The following SLC4A7 variants were observed in gnomAD, a reference collection of about 807,000 sequenced individuals.
The protein encoded by SLC4A7 is sodium bicarbonate cotransporter 3.
In SLC4A7, 51 loss-of-function variants were observed where a neutral mutation model predicts 137.6. The ratio of observed to expected loss-of-function variants is 0.37; its 90% CI spans 0.30 to 0.47. The LOEUF (loss-of-function observed/expected upper bound fraction) is 0.47. Among genes scored for constraint, SLC4A7 ranks in the 20% least tolerant of loss-of-function variants. SLC4A7 has a pLI of 1.00. For missense variants in SLC4A7, 1,247 were observed against 1,525.4 expected, an observed-to-expected ratio of 0.82 and a Z score of 3.04; for synonymous variants, 542 against 518.6, an observed-to-expected ratio of 1.05 and a Z score of -0.61.
intron 20 of SLC4A7, among the ~76,000 whole-genome samples, chr3:27,392,882 T>C (rs1447594804): frequency 2.0e-5 from 3 of 152,042 alleles, no homozygotes; most frequent in Admixed American, 6.5e-5. Flanking sequence ...GAAAAGCTCA[T>C]GAAAATTAAA....
intron 1 of SLC4A7, among the ~76,000 whole-genome samples, chr3:27,461,728 G>A (rs538859931): frequency 2.6e-5 from 4 of 152,000 alleles, no homozygotes; most frequent in African/African-American, 9.6e-5. Flanking sequence ...GGGAGGCCGA[G>A]GCGGGCAGAT....
chr3:27,479,371 A>T (rs2059614204), intron 1 of SLC4A7, among the ~76,000 whole-genome samples: 1 of 151,650 alleles, frequency 6.6e-6, no homozygotes, highest in African/African-American at 2.4e-5. Flanking sequence ...CCATGATGGT[A>T]CCACTGCACT....
At position 27,448,798 on chromosome 3, in the gene SLC4A7, C is replaced by T; in HGVS notation, c.143-1G>A. 1 of 1,576,578 alleles carries T rather than the reference C, an allele frequency of 6.3e-7. No individual in the cohort carries two copies. Among genetic ancestry groups the T allele is most frequent in the Non-Finnish European group, 8.6e-7 (1 of 1,162,764 alleles). ...ACACCAATATATACAGCTCTATGAC[C>T]TATTAAAAGGTTCAGAAACATATTA... On this transcript the variant is annotated splice_acceptor_variant, in intron 2 of 25. Transcript: ENST00000454389. LOFTEE classifies it high-confidence loss of function.
In SLC4A7 at chr3:27,467,571, G is replaced by A. The variant is rs2059061886; in HGVS notation, c.61-15073C>T. Among the ~76,000 whole-genome samples, 8 of 152,292 alleles carry A rather than the reference G, an allele frequency of 5.3e-5. No homozygotes were observed. The South Asian group carries it at 1.7e-3, about 32-fold the overall frequency. ...AAGCAAGTAGCCAAGAAAAGAGGAA[G>A]AAGAAATCCCGTAAAACAAATGGAA... On this transcript the variant is annotated intron_variant, in intron 1 of 25. Coordinates refer to ENST00000454389, the MANE Select transcript of SLC4A7 (RefSeq NM_001321103.2).
intron 1 of SLC4A7, among the ~76,000 whole-genome samples, chr3:27,478,211 A>AG (rs2059547064): frequency 6.6e-6 from 1 of 152,068 alleles, no homozygotes; most frequent in African/African-American, 2.4e-5. Flanking sequence ...GGAAAAAAAA[A>AG]AAGGTCATTT....
intron 4 of SLC4A7, 81 bp from the exon 5 acceptor site, chr3:27,436,629 T>C: frequency 3.3e-6 from 3 of 900,258 alleles, no homozygotes; most frequent in Non-Finnish European, 4.7e-6. Context: ...GAAACATTTG[T>C]TCTTTAAAGA....
At chr3:27,456,270 A>C (rs548007386) in intron 1 of SLC4A7, among the ~76,000 whole-genome samples, 2 of 152,342 alleles carry the variant, frequency 1.3e-5, no homozygotes, top group South Asian at 2.1e-4. Flanking sequence ...GCTATAGCCT[A>C]AAGTAATGCC....
chr3:27,465,670 C>A (rs775702928), intron 1 of SLC4A7, among the ~76,000 whole-genome samples: 1 of 151,904 alleles, frequency 6.6e-6, no homozygotes, highest in African/African-American at 2.4e-5. Context: ...GAAAACTGTA[C>A]AGGAATTAGG....
intron 14 of SLC4A7, 124 bp from the exon 15 acceptor site, chr3:27,403,508 G>C: frequency 1.7e-6 from 1 of 573,194 alleles, no homozygotes; most frequent in South Asian, 3.1e-5. Flanking sequence ...ATGAATTACA[G>C]AATGACAAAA....
At chr3:27,433,204 G>GT (rs1218681237) in intron 6 of SLC4A7, 1 of 152,174 alleles carries the variant, frequency 6.6e-6, no homozygotes, top group Non-Finnish European at 1.5e-5. Flanking sequence ...TTGGGTAATA[G>GT]TAGCAGCTTA....
intron 7 of SLC4A7, among the ~76,000 whole-genome samples, chr3:27,424,889 T>G (rs1251886122): frequency 2.0e-5 from 3 of 152,140 alleles, no homozygotes; most frequent in Admixed American, 1.3e-4. Context: ...CTCATAAAAA[T>G]AGCTTATTTG....
intron 16 of SLC4A7, among the ~76,000 whole-genome samples, chr3:27,399,113 C>T (rs1343442631): frequency 1.3e-5 from 2 of 151,008 alleles, no homozygotes; most frequent in Non-Finnish European, 2.9e-5. Flanking sequence ...TTTAACAAAA[C>T]AAGTCAGTTG....
chr3:27,479,881 A>G (rs1212914362), intron 1 of SLC4A7, among the ~76,000 whole-genome samples: 1 of 152,246 alleles, frequency 6.6e-6, no homozygotes, highest in Non-Finnish European at 1.5e-5. Context: ...AAGCGCCTAA[A>G]TGGCCCACAC....
At chr3:27,459,462 G>A (rs1308151251) in intron 1 of SLC4A7, among the ~76,000 whole-genome samples, 1 of 151,994 alleles carries the variant, frequency 6.6e-6, no homozygotes, top group Non-Finnish European at 1.5e-5. Context: ...ATAGGCTTTC[G>A]TTTGGCTAAT....
At chr3:27,433,873 A>G (rs200903668) in intron 6 of SLC4A7, 43 bp downstream of exon 6, 1 of 1,530,264 alleles carries the variant, frequency 6.5e-7, no homozygotes, top group Non-Finnish European at 9.1e-7. Context: ...AAGCTGTTAC[A>G]GTAGAAGTGT....
intron 24 of SLC4A7, among the ~76,000 whole-genome samples, chr3:27,382,535 T>C (rs1313204586): frequency 6.6e-6 from 1 of 152,220 alleles, no homozygotes; most frequent in Admixed American, 6.5e-5. Context: ...TCCCAACCTC[T>C]ATATCTTTAG....
At chr3:27,464,355 T>C (rs2058859107) in intron 1 of SLC4A7, among the ~76,000 whole-genome samples, 1 of 152,196 alleles carries the variant, frequency 6.6e-6, no homozygotes, top group Non-Finnish European at 1.5e-5. Flanking sequence ...ACATTAAATA[T>C]AAAAGATAAC....
chr3:27,451,902 T>C (rs1230579995), intron 2 of SLC4A7, among the ~76,000 whole-genome samples: 1 of 152,136 alleles, frequency 6.6e-6, no homozygotes, highest in Non-Finnish European at 1.5e-5. Flanking sequence ...AGCTATTCTG[T>C]AAATCTAAAA....
chr3:27,466,077 CATAATACAGGAAT>C (rs1026695536), intron 1 of SLC4A7, among the ~76,000 whole-genome samples: 5 of 151,788 alleles, frequency 3.3e-5, no homozygotes, highest in Non-Finnish European at 7.4e-5. Flanking sequence ...TGTACAGGAA[CATAATACAGGAAT>C]GTAACTAGAT....
Sources: allele counts gnomAD v4.1 joint callset (sites outside exome capture counted in the v4.1 genomes callset), GRCh38; gene constraint gnomAD v4.1.1; transcripts MANE v1.5; gene names NCBI Gene and HGNC (gene_info 2026-07-23, HGNC 2026-07-21).